The following PRRC2B variants were observed in gnomAD, a reference collection of about 807,000 sequenced individuals.
The protein encoded by PRRC2B is protein PRRC2B.
A neutral mutation model predicts 242.3 loss-of-function variants in PRRC2B; 68 were observed. The ratio of observed to expected loss-of-function variants is 0.28; its 90% CI spans 0.23 to 0.34. PRRC2B has a LOEUF of 0.34. PRRC2B is among the 10% of genes least tolerant of loss of function. The pLI is 1.00. For synonymous variants in PRRC2B, 1,228 were observed against 1,173.6 expected (o/e 1.05, Z -0.95); for missense variants, 2,835 against 2,954.8 (o/e 0.96, Z 0.94).
At chr9:131,395,719 A>G (rs1331882118) in intron 1 of PRRC2B, among the ~76,000 whole-genome samples, 1 of 152,216 alleles carries the variant, frequency 6.6e-6, no homozygotes, top group Non-Finnish European at 1.5e-5. Flanking sequence ...GGCCTAAGGC[A>G]TGGACAATAC....
Position 131,447,676 on chromosome 9 carries a change from T to C in PRRC2B, c.992T>C (p.Leu331Pro). The C allele has an allele frequency of 6.2e-7, 1 of 1,604,684 alleles. No homozygotes were observed. The highest frequency in any genetic ancestry group is 1.1e-5 in the South Asian group (1 of 90,250). Residue 331 changes from leucine to proline, a missense_variant, in exon 9 of 32, where the codon CTG becomes CCG. Around this residue, in one of 7 missense-constraint regions of PRRC2B, gnomAD observed 626 missense variants for 685.5 expected, o/e 0.91. Coordinates refer to ENST00000683519, the MANE Select transcript of PRRC2B (RefSeq NM_013318.4). The part of the protein sequence containing the change: ...MNDQDGKENR[L>P]GLSRPLRPLR... ...TCTTTTATCAGAAAAGAAAACAGGC[T>C]GGGATTGTCTCGCCCACTCCGCCCA...
chr9:131,388,621 G>C (rs1836857121), intron 1 of PRRC2B, among the ~76,000 whole-genome samples: 1 of 149,712 alleles, frequency 6.7e-6, no homozygotes, highest in Admixed American at 7.0e-5. Context: ...TTGGCTCACT[G>C]CAACCTCCGC....
At chr9:131,440,260 G>A (rs953878936) in intron 5 of PRRC2B, among the ~76,000 whole-genome samples, 1 of 152,020 alleles carries the variant, frequency 6.6e-6, no homozygotes, top group South Asian at 2.1e-4. Flanking sequence ...ACTTGTAACT[G>A]GTTCTTTGGC....
chr9:131,432,733 G>A lies in PRRC2B; in HGVS notation c.232G>A (p.Val78Met). Reference sequence around the variant, plus strand: ...AAACAAAGGAAACGACCCCAACATCGTGATAGTACCCAAGGACGGGACGGG... The same window carrying A: ...AAACAAAGGAAACGACCCCAACATCATGATAGTACCCAAGGACGGGACGGG... ...SENKGNDPNIVIVPKDGTGWA... is the reference protein window; with the variant it reads ...SENKGNDPNIMIVPKDGTGWA... Residue 78 changes from valine to methionine, a missense_variant, in exon 3 of 32, where the codon GTG (valine) becomes ATG (methionine). By Grantham distance (21) the Val-to-Met change is conservative. This residue lies in a region of PRRC2B where 626 missense variants were observed against 685.5 expected (regional missense o/e 0.91). Coordinates refer to ENST00000683519, the MANE Select transcript of PRRC2B (RefSeq NM_013318.4). 1.2e-6 allele frequency: 2 copies of A among 1,614,048 alleles called. No homozygotes were observed. Among genetic ancestry groups the A allele is most frequent in the Non-Finnish European group, 8.5e-7 (1 of 1,179,908 alleles).
rs371546700 is a variant in PRRC2B, at chr9:131,459,279, C to G, written c.1327C>G (p.Arg443Gly). ...CTGGGCTGAAGCAGTGGGTGCGTCCCGTGTGGTCCGAAAGGCGCCAGACCC... is the reference window on the plus strand; with the variant it reads ...CTGGGCTGAAGCAGTGGGTGCGTCCGGTGTGGTCCGAAAGGCGCCAGACCC... ...KDWAEAVGAS[R>G]VVRKAPDPQP... Residue 443 changes from arginine to glycine, a missense_variant, in exon 11 of 32, where the codon CGT becomes GGT. This residue lies in a region of PRRC2B where 626 missense variants were observed against 685.5 expected (regional missense o/e 0.91). Transcript: ENST00000683519. 2.7e-5 allele frequency: 44 copies of G among 1,613,786 alleles called. No homozygotes were observed. Among genetic ancestry groups the G allele is most frequent in the Non-Finnish European group, 3.6e-5 (43 of 1,179,872 alleles).
In PRRC2B at chr9:131,446,694, A is replaced by G; in HGVS notation, c.855+52A>G. ...CCCCCCATGAAGTTGGATTGTGTCC[A>G]GCAGATAGGTCAAGTGGTTGAATGT... On this transcript the variant is annotated intron_variant, in intron 7 of 31. Coordinates refer to ENST00000683519, the MANE Select transcript of PRRC2B (RefSeq NM_013318.4). This position sits in a 1 kb window ranked among gnomAD's most constrained non-coding sequence, Gnocchi z 4.1. 6.3e-7 allele frequency: 1 copy of G among 1,598,564 alleles called. No homozygotes were observed. Among genetic ancestry groups the G allele is most frequent in the South Asian group, 1.1e-5 (1 of 88,956 alleles).
chr9:131,491,238 G>T, intron 28 of PRRC2B, 187 bp from the exon 29 acceptor site: 1 of 563,152 alleles, frequency 1.8e-6, no homozygotes, highest in Non-Finnish European at 3.0e-6. Flanking sequence ...TGCCATCGAA[G>T]GTGTGAAATC....
chr9:131,409,810 G>A (rs1398836322), intron 1 of PRRC2B, among the ~76,000 whole-genome samples: 3 of 152,322 alleles, frequency 2.0e-5, no homozygotes, highest in African/African-American at 7.2e-5. Flanking sequence ...CTCAGAAACT[G>A]CTTTGTTTAT....
chr9:131,379,142 C>T (rs1202509535), intron 1 of PRRC2B, among the ~76,000 whole-genome samples: 1 of 152,186 alleles, frequency 6.6e-6, no homozygotes, highest in African/African-American at 2.4e-5. Flanking sequence ...CAGCTTCATC[C>T]ATGTGGTACC....
upstream of PRRC2B, among the ~76,000 whole-genome samples, chr9:131,393,355 CTAAAAAAG>C (rs1159588564): frequency 1.3e-5 from 2 of 151,956 alleles, no homozygotes; most frequent in Admixed American, 1.3e-4. Flanking sequence ...GGTTAGGTGT[CTAAAAAAG>C]TAAGAACCCT....
At position 131,470,873 on chromosome 9, in the gene PRRC2B, AGATGTTGGGCT is replaced by A. The variant is rs1943524758; in HGVS notation, c.1998_2008del (p.Gln666HisfsTer53). Reference sequence around the variant, plus strand: ...CGCACCTTTTACCCACACCACCCCCAGATGTTGGGCTTCGATCCCAGGTGGATGATGATGCC... The same window carrying A: ...CGCACCTTTTACCCACACCACCCCCATCGATCCCAGGTGGATGATGATGCC... On this transcript the variant is annotated frameshift_variant, in exon 14 of 32. Coordinates refer to ENST00000683519, the MANE Select transcript of PRRC2B (RefSeq NM_013318.4). LOFTEE classifies it high-confidence loss of function. 1 of 1,346,734 alleles carries A rather than the reference AGATGTTGGGCT, an allele frequency of 7.4e-7. No individual in the cohort carries two copies. Among genetic ancestry groups the A allele is most frequent in the Non-Finnish European group, 1.0e-6 (1 of 998,908 alleles). The allele number at this position is 1,346,734 out of a possible 1,614,324, so 83.4% of individuals were successfully genotyped here.
At chr9:131,445,359 A>G (rs1838764695) in intron 6 of PRRC2B, among the ~76,000 whole-genome samples, 1 of 151,986 alleles carries the variant, frequency 6.6e-6, no homozygotes, top group African/African-American at 2.4e-5. Context: ...GGGTTTCTCC[A>G]TGTTGGTCAG....
chr9:131,461,792 A>C (rs1459001276), intron 11 of PRRC2B, among the ~76,000 whole-genome samples: 1 of 152,132 alleles, frequency 6.6e-6, no homozygotes, highest in Non-Finnish European at 1.5e-5. Flanking sequence ...CTCCCAAAGT[A>C]CTGGGATTTC....
intron 9 of PRRC2B, among the ~76,000 whole-genome samples, chr9:131,449,374 T>A (rs973000728): frequency 1.3e-5 from 2 of 151,972 alleles, no homozygotes; most frequent in African/African-American, 2.4e-5. Context: ...TTTTTTTTTT[T>A]AAAGAGACAG....
In PRRC2B at chr9:131,471,049, C is replaced by G; in HGVS notation, c.2107+66C>G. 5 of 1,200,368 alleles carry G rather than the reference C, an allele frequency of 4.2e-6. No individual in the cohort carries two copies. In the South Asian group the frequency reaches 6.9e-5, roughly 17 times the overall value. The allele number at this position is 1,200,368 out of a possible 1,614,324, so 74.4% of individuals were successfully genotyped here. A position where few individuals can be genotyped will look rare whatever the true frequency, so the allele number is the denominator to read the frequency against. ...GGATAGCGTGGTGGTCAAGGGTGTCCTCTCGAGTTAAACAGATACACCTGG... is the reference window on the plus strand; with the variant it reads ...GGATAGCGTGGTGGTCAAGGGTGTCGTCTCGAGTTAAACAGATACACCTGG... On this transcript the variant is annotated intron_variant, in intron 14 of 31. Transcript: ENST00000683519.
chr9:131,382,076 G>C lies in PRRC2B; in HGVS notation c.-56+8345G>C, dbSNP rs992750806. Among the ~76,000 whole-genome samples the C allele has an allele frequency of 1.6e-4, 24 of 152,008 alleles. 1 individual carries two copies. Among genetic ancestry groups the C allele is most frequent in the Non-Finnish European group, 5.9e-5 (4 of 68,016 alleles). On this transcript the variant is annotated intron_variant, in intron 1 of 1. Coordinates refer to the PRRC2B transcript ENST00000682525. ...CTGTCGCCCAGGCTGGAGTGCAGTG[G>C]CATGATCTCAGCTCACTGCAACCTC...
At chr9:131,381,609 T>C (rs1160883123) in intron 1 of PRRC2B, among the ~76,000 whole-genome samples, 1 of 151,918 alleles carries the variant, frequency 6.6e-6, no homozygotes, top group African/African-American at 2.4e-5. Context: ...TTAATAGAGA[T>C]GGGGTTTCAC....
intron 1 of PRRC2B, among the ~76,000 whole-genome samples, chr9:131,382,864 C>T (rs953388757): frequency 2.2e-4 from 33 of 152,248 alleles, no homozygotes; most frequent in African/African-American, 7.2e-4. Context: ...AGGCTGTTCT[C>T]GAACTCCTGA....
At position 131,455,177 on chromosome 9, in the gene PRRC2B, G is replaced by A. The variant is rs749313343; in HGVS notation, c.1211+11G>A. The A allele has an allele frequency of 1.9e-6, 3 of 1,596,658 alleles. No individual in the cohort carries two copies. The African/African-American group carries it at 4.0e-5, about 21-fold the overall frequency. On this transcript the variant is annotated intron_variant, in intron 10 of 31. Transcript: ENST00000683519. The stretch of plus-strand genomic sequence containing the variant: ...CGGCAGGCCAAAGTGGTAAGGACCC[G>A]TTCCTGCCCTATCAGCATGAGTGCA...
Sources: gnomAD v4.1 joint callset for allele counts (sites outside exome capture counted in the v4.1 genomes callset) on GRCh38, gnomAD v4.1.1 for gene constraint, gnomAD v4.1.1 regional missense constraint, Gnocchi (gnomAD v3.1) non-coding constraint, MANE v1.5 for transcripts, NCBI Gene and HGNC (gene_info 2026-07-23, HGNC 2026-07-21) for gene names.